The following SPATA31C1 variants were observed in gnomAD, a reference collection of about 807,000 sequenced individuals.
The protein encoded by SPATA31C1 is spermatogenesis-associated protein 31C1.
chr9:87,923,152 C>T (rs769152285), exon 5 of SPATA31C1: 33 of 1,603,118 alleles, frequency 2.1e-5, no homozygotes, highest in South Asian at 1.5e-4. Context: ...CGCCATGCCT[C>T]GAAGGTAAAT....
At chr9:87,920,021 A>C in intron 4 of SPATA31C1, 45 bp downstream of exon 3, 1 of 1,608,412 alleles carries the variant, frequency 6.2e-7, no homozygotes, top group South Asian at 1.1e-5. Flanking sequence ...CAGGGCTGGG[A>C]CGTGACCCCA....
At chr9:87,920,632 G>C (rs368844699) in exon 5 of SPATA31C1, 1 of 1,613,724 alleles carries the variant, frequency 6.2e-7, no homozygotes, top group Non-Finnish European at 8.5e-7. Context: ...CCTCCCCTGC[G>C]GGACTCCACT....
rs745380572 is a variant in SPATA31C1, at chr9:87,919,223, G to A, written n.523-68G>A. 4.4e-6 allele frequency: 6 copies of A among 1,373,926 alleles called. No homozygotes were observed. The African/African-American group carries it at 8.4e-5, about 19-fold the overall frequency. 85.1% of individuals were successfully genotyped at this position (1,373,926 alleles called of 1,614,324 possible). On this transcript the variant is annotated intron_variant and non_coding_transcript_variant, in intron 2 of 4. Transcript: ENST00000420021. ...GGCTGGGGGCAGAGAGGGAGAGCCGGTCCTAGCTCCTCGCCATTTCTTGTC... is the reference window on the plus strand; with the variant it reads ...GGCTGGGGGCAGAGAGGGAGAGCCGATCCTAGCTCCTCGCCATTTCTTGTC...
exon 5 of SPATA31C1, chr9:87,923,335 T>C (rs1367014343): frequency 6.2e-7 from 1 of 1,601,952 alleles, no homozygotes; most frequent in Non-Finnish European, 8.5e-7. Context: ...CAGCAGCCCT[T>C]GAAAAGTGTC....
At chr9:87,922,068 C>T in exon 5 of SPATA31C1, 6 of 1,613,994 alleles carry the variant, frequency 3.7e-6, no homozygotes, top group Non-Finnish European at 5.1e-6. Context: ...AATGGCAAGT[C>T]TGAGAAAGCA....
chr9:87,916,381 T>A (rs1360075471), intron 1 of SPATA31C1, among the ~76,000 whole-genome samples: 15 of 148,286 alleles, frequency 1.0e-4, no homozygotes, highest in Middle Eastern at 3.5e-3. Flanking sequence ...TTCTAAGAAT[T>A]TATTAATTGG....
chr9:87,921,226 G>A, exon 5 of SPATA31C1: 1 of 1,611,966 alleles, frequency 6.2e-7, no homozygotes, highest in Non-Finnish European at 8.5e-7. Context: ...CCCCAGGAAA[G>A]ACTGACATCC....
At chr9:87,920,679 C>T in exon 5 of SPATA31C1, 1 of 1,613,962 alleles carries the variant, frequency 6.2e-7, no homozygotes, top group Non-Finnish European at 8.5e-7. Flanking sequence ...AGTGGCACTT[C>T]CACTGGACAC....
At chr9:87,915,999 C>T (rs1235555658) in intron 1 of SPATA31C1, among the ~76,000 whole-genome samples, 2 of 141,812 alleles carry the variant, frequency 1.4e-5, no homozygotes, top group East Asian at 2.2e-4. Context: ...GCAATAGGGT[C>T]TTGCAGTAAT....
Position 87,921,798 on chromosome 9 carries a change from A to G in SPATA31C1, n.2188A>G, listed in dbSNP as rs534469101. On this transcript the variant is annotated non_coding_transcript_exon_variant, in exon 5 of 5. Transcript: ENST00000420021. ...CAGCAATCTAGCAGCCCCGAAAAGTAGGAAAGCCTGTGTAAACACAGCCCA... is the reference window on the plus strand; with the variant it reads ...CAGCAATCTAGCAGCCCCGAAAAGTGGGAAAGCCTGTGTAAACACAGCCCA... The G allele has an allele frequency of 1.7e-5, 28 of 1,612,040 alleles. 1 individual carries two copies. In the African/African-American group the frequency reaches 3.5e-4, roughly 20 times the overall value.
chr9:87,923,050 G>T lies in SPATA31C1; in HGVS notation n.3440G>T, dbSNP rs763568771. The T allele has an allele frequency of 2.3e-5, 36 of 1,599,230 alleles. No individual in the cohort carries two copies. The East Asian group carries it at 7.9e-4, about 35-fold the overall frequency. ...GAGAGCCAAAAAACAGTAAAAAACA[G>T]ATCATGCGTGTACGGCAGCAGTGCT... On this transcript the variant is annotated non_coding_transcript_exon_variant, in exon 5 of 5. Transcript: ENST00000420021.
chr9:87,922,161 C>A lies in SPATA31C1; in HGVS notation n.2551C>A. 3 of 1,613,286 alleles carry A rather than the reference C, an allele frequency of 1.9e-6. No homozygotes were observed. The South Asian group carries it at 3.3e-5, about 18-fold the overall frequency. On this transcript the variant is annotated non_coding_transcript_exon_variant, in exon 5 of 5. Transcript: ENST00000420021. Reference sequence around the variant, plus strand: ...ATGTAAGCAGTTCCAGAGGGCCCCGCGAGGGATCCCATCTTCAAATGATCA... The same window carrying A: ...ATGTAAGCAGTTCCAGAGGGCCCCGAGAGGGATCCCATCTTCAAATGATCA...
At chr9:87,919,295 C>T (rs1312931771) in exon 3 of SPATA31C1, 1 of 1,300,938 alleles carries the variant, frequency 7.7e-7, no homozygotes, top group Non-Finnish European at 9.8e-7. Flanking sequence ...TCCCAGTGTC[C>T]AACAGGGCGG....
rs930098090 is a variant in SPATA31C1, at chr9:87,919,052, G to A, written n.523-239G>A. On this transcript the variant is annotated intron_variant and non_coding_transcript_variant, in intron 2 of 4. Transcript: ENST00000420021. ...CCCAAAGTGCTTGGATTATAGGCGTGAGCCACCGCACCCGACCCCCTCTTC... is the reference window on the plus strand; with the variant it reads ...CCCAAAGTGCTTGGATTATAGGCGTAAGCCACCGCACCCGACCCCCTCTTC... 1.8e-5 allele frequency: 15 copies of A among 817,822 alleles called. No individual in the cohort carries two copies. The African/African-American group carries it at 2.6e-4, about 14-fold the overall frequency. 50.7% of individuals were successfully genotyped at this position (817,822 alleles called of 1,614,324 possible).
chr9:87,920,370 G>T (rs1346601267), exon 5 of SPATA31C1: 3 of 1,613,842 alleles, frequency 1.9e-6, no homozygotes, highest in Non-Finnish European at 1.7e-6. Flanking sequence ...TGAGCCTATG[G>T]AAGATGCTGC....
At chr9:87,920,542 C>G (rs1215723634) in exon 5 of SPATA31C1, 2 of 1,613,720 alleles carry the variant, frequency 1.2e-6, no homozygotes, top group Admixed American at 3.3e-5. Flanking sequence ...TCACCCGAGC[C>G]ACCTGCACTT....
chr9:87,921,885 T>C (rs751592377), exon 5 of SPATA31C1: 1 of 1,612,058 alleles, frequency 6.2e-7, no homozygotes, highest in East Asian at 2.2e-5. Flanking sequence ...TGTGAGGTTT[T>C]GGGCCAAACA....
At chr9:87,915,260 G>A (rs1036905026) in intron 1 of SPATA31C1, among the ~76,000 whole-genome samples, 1 of 118,006 alleles carries the variant, frequency 8.5e-6, no homozygotes, top group African/African-American at 3.1e-5. Context: ...GGGACTGATG[G>A]CGTCCATGGT....
chr9:87,920,105 G>A, intron 4 of SPATA31C1, 129 bp downstream of exon 3: 1 of 1,604,848 alleles, frequency 6.2e-7, no homozygotes, highest in Non-Finnish European at 8.5e-7. Flanking sequence ...AAGCCCTGGG[G>A]CGAGGGGTAG....
Sources: gnomAD v4.1 joint callset for allele counts (sites outside exome capture counted in the v4.1 genomes callset) on GRCh38, gnomAD v4.1.1 for gene constraint, MANE v1.5 for transcripts, NCBI Gene and HGNC (gene_info 2026-07-23, HGNC 2026-07-21) for gene names.